The following GRK5 variants were observed in gnomAD, a reference collection of about 807,000 sequenced individuals.
GRK5 encodes G protein-coupled receptor kinase 5, also known as g protein-coupled receptor kinase GRK5.
A neutral mutation model predicts 78.4 loss-of-function variants in GRK5; 40 were observed. That is an observed-to-expected ratio of 0.51 (90% CI 0.40 to 0.66). GRK5 has a LOEUF of 0.66. Among genes scored for constraint, GRK5 ranks in the 30% least tolerant of loss-of-function variants. The pLI is 0.00. For synonymous variants in GRK5, 289 were observed against 296.8 expected, an observed-to-expected ratio of 0.97 and a Z score of 0.27; for missense variants, 598 against 759.9, an observed-to-expected ratio of 0.79 and a Z score of 2.50.
intron 1 of GRK5, among the ~76,000 whole-genome samples, chr10:119,216,591 T>C (rs1041330036): frequency 6.6e-6 from 1 of 152,320 alleles, no homozygotes; most frequent in South Asian, 2.1e-4. Flanking sequence ...GGAGGATTGC[T>C]TGAGGCCAGG....
chr10:119,424,282 C>T (rs1852628965), intron 5 of GRK5, among the ~76,000 whole-genome samples: 1 of 152,112 alleles, frequency 6.6e-6, no homozygotes, highest in South Asian at 2.1e-4. Context: ...TGCCATAGTC[C>T]CCTCCCTTCC....
intron 1 of GRK5, among the ~76,000 whole-genome samples, chr10:119,260,296 G>A (rs552805656): frequency 2.6e-5 from 4 of 151,856 alleles, no homozygotes; most frequent in East Asian, 1.9e-4. Flanking sequence ...CCGCCGCACC[G>A]GCCAAGGTCA....
intron 2 of GRK5, among the ~76,000 whole-genome samples, chr10:119,335,345 C>T (rs764406614): frequency 6.6e-6 from 1 of 152,062 alleles, no homozygotes; most frequent in African/African-American, 2.4e-5. Flanking sequence ...GTGTGAGCCA[C>T]TCTGCCCAAC....
chr10:119,261,522 C>T (rs571400218), intron 1 of GRK5, among the ~76,000 whole-genome samples: 1 of 151,962 alleles, frequency 6.6e-6, no homozygotes, highest in South Asian at 2.1e-4. Context: ...GCTGCAATCT[C>T]GGCACTTTGG....
chr10:119,250,205 A>C (rs117800168), intron 1 of GRK5, among the ~76,000 whole-genome samples: 3,221 of 152,164 alleles, frequency 0.021, 58 homozygotes, highest in Admixed American at 0.054. Flanking sequence ...TTGACCTGTA[A>C]ATTTTCATTT....
chr10:119,226,580 G>A lies in GRK5; in HGVS notation c.52+18611G>A, dbSNP rs138083403. On this transcript the variant is annotated intron_variant, in intron 1 of 15. Coordinates refer to ENST00000392870, the MANE Select transcript of GRK5 (RefSeq NM_005308.3). ...TTTTTTTTTTGAGACACAGTCTCAC[G>A]CTTGCCCAGGCTGGAGTACAGTGGT... 5.3e-3 allele frequency among the ~76,000 whole-genome samples: 729 copies of A among 137,084 alleles called. 5 individuals are homozygous for A. The highest frequency in any genetic ancestry group is 0.019 in the African/African-American group (705 of 36,574). 89.9% of individuals were successfully genotyped at this position (137,084 alleles called of 152,430 possible).
Position 119,396,775 on chromosome 10 carries a change from A to T in GRK5, c.339+3A>T. 6.2e-7 allele frequency: 1 copy of T among 1,611,864 alleles called. No homozygotes were observed. The highest frequency in any genetic ancestry group is 8.5e-7 in the Non-Finnish European group (1 of 1,177,918). On this transcript the variant is annotated splice_donor_region_variant and intron_variant, in intron 4 of 15. Transcript: ENST00000392870. Reference sequence around the variant, plus strand: ...TGACCAAGTACCTCACCCCAAAGGTAAGGAGTCTTCCAAACCCCACAGCAG... The same window carrying T: ...TGACCAAGTACCTCACCCCAAAGGTTAGGAGTCTTCCAAACCCCACAGCAG...
rs755360711 is a variant in GRK5 at position 119,431,337 on chromosome 10, G to A, written c.598-50G>A. On this transcript the variant is annotated intron_variant, in intron 7 of 15. Coordinates refer to ENST00000392870, the MANE Select transcript of GRK5 (RefSeq NM_005308.3). This position sits in a 1 kb window ranked among gnomAD's most constrained non-coding sequence, Gnocchi z 4.8. ...GGTCCCCGCCCTGGAGGAGCTCGGG[G>A]CAGGCCTCCACGGTGCTCCTGCCAC... 2.5e-6 allele frequency: 4 copies of A among 1,581,886 alleles called. No individual in the cohort carries two copies. Among genetic ancestry groups the A allele is most frequent in the South Asian group, 1.2e-5 (1 of 85,740 alleles).
At chr10:119,319,711 G>A (rs112985844) in intron 1 of GRK5, among the ~76,000 whole-genome samples, 129 of 152,382 alleles carry the variant, frequency 8.5e-4, no homozygotes, top group African/African-American at 2.8e-3. Context: ...GTGAGCCAGT[G>A]CCAGCAGAAG....
chr10:119,324,799 G>A (rs1850646150), intron 1 of GRK5, among the ~76,000 whole-genome samples: 1 of 152,268 alleles, frequency 6.6e-6, no homozygotes, highest in Admixed American at 6.5e-5. Flanking sequence ...GGCAGAAAGA[G>A]TGAGCGTGGC....
chr10:119,441,355 C>T (rs1423725314), intron 10 of GRK5, among the ~76,000 whole-genome samples: 1 of 152,290 alleles, frequency 6.6e-6, no homozygotes, highest in Non-Finnish European at 1.5e-5. Flanking sequence ...GTGTTCCTTC[C>T]TGTGGGGTAA....
chr10:119,397,822 C>T (rs956336705), intron 4 of GRK5, among the ~76,000 whole-genome samples: 3 of 152,364 alleles, frequency 2.0e-5, no homozygotes, highest in Non-Finnish European at 2.9e-5. Flanking sequence ...GAAGTGTTGC[C>T]CTTTGTCACG....
chr10:119,396,348 C>T (rs956568297), intron 3 of GRK5, among the ~76,000 whole-genome samples: 15 of 152,328 alleles, frequency 9.8e-5, no homozygotes, highest in South Asian at 2.1e-4. Flanking sequence ...TCTTCAACCC[C>T]GGCTGCCCAG....
At chr10:119,290,800 C>A (rs576938890) in intron 1 of GRK5, among the ~76,000 whole-genome samples, 2 of 152,154 alleles carry the variant, frequency 1.3e-5, no homozygotes, top group South Asian at 4.1e-4. Flanking sequence ...TCACATCGGT[C>A]CTGCAACAGC....
intron 6 of GRK5, among the ~76,000 whole-genome samples, chr10:119,429,324 G>C (rs746531884): frequency 1.3e-5 from 2 of 151,632 alleles, no homozygotes; most frequent in African/African-American, 2.4e-5. Flanking sequence ...GTGACTGAAG[G>C]CTCCCTGGTC....
intron 2 of GRK5, among the ~76,000 whole-genome samples, chr10:119,350,952 A>G (rs1005983460): frequency 6.6e-6 from 1 of 152,186 alleles, no homozygotes; most frequent in African/African-American, 2.4e-5. Context: ...CATTAGGCAG[A>G]TATTCAATGG....
chr10:119,365,066 A>G (rs1315956142), intron 2 of GRK5, among the ~76,000 whole-genome samples: 1 of 152,244 alleles, frequency 6.6e-6, no homozygotes, highest in East Asian at 1.9e-4. Context: ...AGAGAAAAGC[A>G]TTAACACGGA....
At chr10:119,216,787 T>C (rs2133702813) in intron 1 of GRK5, among the ~76,000 whole-genome samples, 1 of 152,244 alleles carries the variant, frequency 6.6e-6, no homozygotes, top group South Asian at 2.1e-4. Context: ...AACCCATCTC[T>C]ACTAAAAATA....
chr10:119,436,546 G>C, intron 8 of GRK5, 105 bp from the exon 9 acceptor site: 1 of 1,121,066 alleles, frequency 8.9e-7, no homozygotes. Flanking sequence ...GCAGGGTGAG[G>C]CTCCTCTGTT....
Sources: gnomAD v4.1 joint callset for allele counts (sites outside exome capture counted in the v4.1 genomes callset) on GRCh38, gnomAD v4.1.1 for gene constraint, Gnocchi (gnomAD v3.1) non-coding constraint, MANE v1.5 for transcripts, NCBI Gene and HGNC (gene_info 2026-07-23, HGNC 2026-07-21) for gene names.